EXOC4: variants seen among roughly 807,000 people sequenced by gnomAD.
The protein encoded by EXOC4 is exocyst complex component 4, also known as SEC8-like 1.
In EXOC4, 71 loss-of-function variants were observed where a neutral mutation model predicts 107.2. The ratio of observed to expected loss-of-function variants is 0.66; its 90% CI spans 0.55 to 0.81. The LOEUF is 0.81. EXOC4 is among the 30% of genes least tolerant of loss of function. EXOC4 has a pLI of 0.00. For missense variants in EXOC4, 1,108 were observed against 1,189.6 expected, an observed-to-expected ratio of 0.93 and a Z score of 1.01; for synonymous variants, 456 against 441.2, an observed-to-expected ratio of 1.03 and a Z score of -0.42.
intron 9 of EXOC4, among the ~76,000 whole-genome samples, chr7:133,550,142 G>T (rs1800557562): frequency 1.3e-5 from 2 of 152,078 alleles, no homozygotes; most frequent in African/African-American, 2.4e-5. Flanking sequence ...CCCTACACTG[G>T]CAGGGAGAGG....
chr7:134,057,141 T>C (rs1223486935), intron 17 of EXOC4, among the ~76,000 whole-genome samples: 1 of 152,006 alleles, frequency 6.6e-6, no homozygotes, highest in Non-Finnish European at 1.5e-5. Flanking sequence ...AAAGGGTAGG[T>C]GCGTGCATGT....
the EXOC4 span, among the ~76,000 whole-genome samples, chr7:134,085,168 A>C: frequency 6.6e-6 from 1 of 152,146 alleles, no homozygotes; most frequent in South Asian, 2.1e-4. Flanking sequence ...TCAAATATTG[A>C]AGTACAGACT....
intron 7 of EXOC4, among the ~76,000 whole-genome samples, chr7:133,435,006 T>A (rs1797937181): frequency 6.6e-6 from 1 of 152,192 alleles, no homozygotes; most frequent in African/African-American, 2.4e-5. Context: ...TTCCAGAAAA[T>A]AGTCTCTCCC....
At chr7:133,349,935 A>G (rs374178945) in intron 5 of EXOC4, among the ~76,000 whole-genome samples, 1 of 152,010 alleles carries the variant, frequency 6.6e-6, no homozygotes, top group East Asian at 1.9e-4. Flanking sequence ...CCTAATGATT[A>G]GTGATGTTAG....
At chr7:133,272,231 G>T (rs1368431550) in intron 1 of EXOC4, among the ~76,000 whole-genome samples, 1 of 152,208 alleles carries the variant, frequency 6.6e-6, no homozygotes, top group Admixed American at 6.5e-5. Context: ...TAGTCAGTAG[G>T]GTGGAGCCAC....
chr7:133,572,303 G>A (rs1391091793), intron 9 of EXOC4, among the ~76,000 whole-genome samples: 1 of 152,042 alleles, frequency 6.6e-6, no homozygotes, highest in Admixed American at 6.5e-5. Flanking sequence ...GAAATGCTTT[G>A]TCAATTCCTC....
At chr7:133,883,918 G>A (rs1011617327) in intron 11 of EXOC4, among the ~76,000 whole-genome samples, 1 of 152,148 alleles carries the variant, frequency 6.6e-6, no homozygotes, top group Non-Finnish European at 1.5e-5. Flanking sequence ...TTAAAAAATG[G>A]AAAGCATATT....
intron 7 of EXOC4, among the ~76,000 whole-genome samples, chr7:133,389,831 A>G (rs1442160697): frequency 6.6e-6 from 1 of 151,588 alleles, no homozygotes; most frequent in Non-Finnish European, 1.5e-5. Flanking sequence ...GTGGCTGGGC[A>G]GCCTCACAAT....
At chr7:133,779,467 T>C (rs557714071) in intron 10 of EXOC4, among the ~76,000 whole-genome samples, 1 of 152,250 alleles carries the variant, frequency 6.6e-6, no homozygotes, top group Non-Finnish European at 1.5e-5. Flanking sequence ...TTACTTCAAG[T>C]AGGCCTTTGG....
chr7:133,322,955 G>A (rs1324636745), intron 5 of EXOC4, among the ~76,000 whole-genome samples: 2 of 152,178 alleles, frequency 1.3e-5, no homozygotes, highest in African/African-American at 4.8e-5. Flanking sequence ...GTATCCCTAA[G>A]TATTTTATTC....
intron 8 of EXOC4, among the ~76,000 whole-genome samples, chr7:133,476,440 G>A (rs1383924708): frequency 6.6e-6 from 1 of 152,160 alleles, no homozygotes; most frequent in South Asian, 2.1e-4. Context: ...ATATAAGCAT[G>A]TAAAGTGACC....
chr7:133,826,012 C>T (rs1039832833), intron 11 of EXOC4, among the ~76,000 whole-genome samples: 1 of 152,086 alleles, frequency 6.6e-6, no homozygotes, highest in Non-Finnish European at 1.5e-5. Flanking sequence ...GCATTTTACT[C>T]TTGTTATTTT....
At chr7:133,901,854 A>G (rs905643670) in intron 12 of EXOC4, among the ~76,000 whole-genome samples, 10 of 152,092 alleles carry the variant, frequency 6.6e-5, no homozygotes, top group Non-Finnish European at 7.4e-5. Flanking sequence ...GTTATGGACA[A>G]TACTAGATAT....
intron 11 of EXOC4, among the ~76,000 whole-genome samples, chr7:133,848,161 A>G (rs1798170835): frequency 1.3e-5 from 2 of 152,128 alleles, no homozygotes; most frequent in South Asian, 2.1e-4. Context: ...GTGCGTGTGA[A>G]TGTGATTCTA....
chr7:134,051,516 C>CA (rs1436010849), intron 17 of EXOC4, among the ~76,000 whole-genome samples: 8 of 151,650 alleles, frequency 5.3e-5, no homozygotes, highest in African/African-American at 1.5e-4. Context: ...ACTAAAAATA[C>CA]AAAAAATTAG....
intron 13 of EXOC4, among the ~76,000 whole-genome samples, chr7:133,918,938 A>C (rs886593123): frequency 4.6e-5 from 7 of 152,222 alleles, no homozygotes; most frequent in African/African-American, 1.7e-4. Flanking sequence ...CTGTGTTCTT[A>C]TCTCTCTCAA....
At chr7:133,269,937 A>G (rs1296329415) in intron 1 of EXOC4, among the ~76,000 whole-genome samples, 1 of 152,162 alleles carries the variant, frequency 6.6e-6, no homozygotes, top group Non-Finnish European at 1.5e-5. Context: ...AAGAGGGATA[A>G]GTATGGTACT....
At chr7:133,760,482 T>C (rs1226506776) in intron 10 of EXOC4, among the ~76,000 whole-genome samples, 1 of 152,160 alleles carries the variant, frequency 6.6e-6, no homozygotes, top group African/African-American at 2.4e-5. Flanking sequence ...ACTTTTCCCC[T>C]TTGAATCTCA....
intron 7 of EXOC4, among the ~76,000 whole-genome samples, chr7:133,407,102 C>T (rs1310469663): frequency 2.6e-5 from 4 of 152,150 alleles, no homozygotes; most frequent in Admixed American, 6.5e-5. Flanking sequence ...CCTGCTGTGT[C>T]GGTTTAATCA....
Sources: gnomAD v4.1 joint callset for allele counts (sites outside exome capture counted in the v4.1 genomes callset) on GRCh38, gnomAD v4.1.1 for gene constraint, MANE v1.5 for transcripts, NCBI Gene and HGNC (gene_info 2026-07-23, HGNC 2026-07-21) for gene names.